Variants in TRPC1 observed in about 807,000 individuals in gnomAD.
The protein encoded by TRPC1 is short transient receptor potential channel 1.
TRPC1 carries 42 observed loss-of-function variants against 88.2 expected under a neutral mutation model. The ratio of observed to expected loss-of-function variants is 0.48; its 90% CI spans 0.37 to 0.62. The LOEUF (loss-of-function observed/expected upper bound fraction) is 0.62. Ranked by LOEUF, TRPC1 falls within the 20% of genes least tolerant of loss-of-function variation. The pLI, the probability that TRPC1 is intolerant of heterozygous loss-of-function variation, is 0.00. For synonymous variants in TRPC1, 288 were observed against 331.8 expected (o/e 0.87, Z 1.43); for missense variants, 699 against 957.3 (o/e 0.73, Z 3.56).
rs536636378 is a variant in TRPC1 at position 142,790,641 on chromosome 3, C to T, written c.1298-378C>T. Among the ~76,000 whole-genome samples the T allele has an allele frequency of 3.3e-5, 5 of 152,036 alleles. No homozygotes were observed. In the East Asian group the frequency reaches 5.8e-4, roughly 18 times the overall value. Reference sequence around the variant, plus strand: ...TGAGCCCCTTGTGCGGGGGTGTGTACGTGTGTGCGTGCACATCCATGTGTG... The same window carrying T: ...TGAGCCCCTTGTGCGGGGGTGTGTATGTGTGTGCGTGCACATCCATGTGTG... On this transcript the variant is annotated intron_variant, in intron 7 of 12. Transcript: ENST00000476941.
intron 4 of TRPC1, among the ~76,000 whole-genome samples, chr3:142,758,440 A>T (rs1201581220): frequency 6.6e-6 from 1 of 152,220 alleles, no homozygotes; most frequent in Non-Finnish European, 1.5e-5. Context: ...TTTTCTTTTA[A>T]GAAATATCCA....
At chr3:142,760,641 A>G (rs1357992646) in intron 4 of TRPC1, among the ~76,000 whole-genome samples, 1 of 152,096 alleles carries the variant, frequency 6.6e-6, no homozygotes, top group African/African-American at 2.4e-5. Flanking sequence ...TTTGATAAGG[A>G]TTGCATGGAA....
chr3:142,733,075 G>A (rs1933992015), intron 1 of TRPC1, among the ~76,000 whole-genome samples: 1 of 151,800 alleles, frequency 6.6e-6, no homozygotes, highest in Admixed American at 6.6e-5. Flanking sequence ...TGACTATAAT[G>A]TGATTTTTCA....
intron 2 of TRPC1, among the ~76,000 whole-genome samples, chr3:142,740,867 T>C (rs1230201986): frequency 1.3e-5 from 2 of 151,788 alleles, no homozygotes; most frequent in Non-Finnish European, 2.9e-5. Flanking sequence ...TAGCAAAGAG[T>C]GATGAAGGAT....
chr3:142,731,092 A>C (rs747015693), intron 1 of TRPC1, among the ~76,000 whole-genome samples: 3 of 152,134 alleles, frequency 2.0e-5, no homozygotes, highest in Non-Finnish European at 4.4e-5. Context: ...CTAAGGATCT[A>C]TGGGATCACT....
At chr3:142,737,026 A>G (rs948829072) in intron 2 of TRPC1, among the ~76,000 whole-genome samples, 1 of 152,048 alleles carries the variant, frequency 6.6e-6, no homozygotes, top group Non-Finnish European at 1.5e-5. Context: ...GTTTGTTTTT[A>G]TCTAAAGATG....
chr3:142,750,120 T>A (rs891184858), intron 4 of TRPC1, among the ~76,000 whole-genome samples: 3 of 150,672 alleles, frequency 2.0e-5, no homozygotes, highest in African/African-American at 4.8e-5. Context: ...GAAACTATCA[T>A]CAGAGTGAAC....
chr3:142,761,700 C>T lies in TRPC1; in HGVS notation c.632+13240C>T, dbSNP rs1018058452. Among the ~76,000 whole-genome samples, 4 of 148,794 alleles carry T rather than the reference C, an allele frequency of 2.7e-5. No homozygotes were observed. The South Asian group carries it at 6.3e-4, about 23-fold the overall frequency. The stretch of plus-strand genomic sequence containing the variant: ...GTATACAGCAGTGAATCCATCAGGT[C>T]TTGGGCACTTCTTTGATGGGAAACT... On this transcript the variant is annotated intron_variant, in intron 4 of 12. Coordinates refer to ENST00000476941, the MANE Select transcript of TRPC1 (RefSeq NM_001251845.2).
At position 142,776,643 on chromosome 3, in the gene TRPC1, G is replaced by A. The variant is rs538097834; in HGVS notation, c.633-989G>A. 7.4e-4 allele frequency among the ~76,000 whole-genome samples: 112 copies of A among 152,116 alleles called. 1 individual carries two copies. The Middle Eastern group carries it at 0.027, about 37-fold the overall frequency. ...TTATGGTCTGGGCGCGGTGGCTCAC[G>A]CCTGTAATCCCAGCACTTTGGGAGG... On this transcript the variant is annotated intron_variant, in intron 4 of 12. Transcript: ENST00000476941. This position sits in a 1 kb window ranked among gnomAD's most constrained non-coding sequence, Gnocchi z 4.1.
chr3:142,796,675 C>CA (rs200858430), intron 9 of TRPC1, among the ~76,000 whole-genome samples: 1 of 125,286 alleles, frequency 8.0e-6, no homozygotes, highest in Non-Finnish European at 1.5e-5. Context: ...TAGACTTACT[C>CA]AAAAAAGGTT....
At chr3:142,764,504 T>C (rs1010019719) in intron 4 of TRPC1, among the ~76,000 whole-genome samples, 3 of 152,176 alleles carry the variant, frequency 2.0e-5, no homozygotes, top group Non-Finnish European at 2.9e-5. Context: ...TCTCTACTTC[T>C]TATTTAAATA....
intron 7 of TRPC1, among the ~76,000 whole-genome samples, chr3:142,789,538 TG>T (rs923455253): frequency 3.3e-5 from 5 of 152,202 alleles, no homozygotes; most frequent in African/African-American, 1.2e-4. Context: ...GAATGTTTCT[TG>T]TGTTTCCCAG....
intron 3 of TRPC1, among the ~76,000 whole-genome samples, chr3:142,744,301 C>T (rs562028240): frequency 5.9e-5 from 9 of 152,128 alleles, no homozygotes; most frequent in African/African-American, 2.2e-4. Context: ...CAGTCTCATG[C>T]TACTAGTGAG....
intron 4 of TRPC1, 87 bp downstream of exon 4, chr3:142,748,547 T>G (rs1202380312): frequency 3.9e-5 from 55 of 1,424,956 alleles, no homozygotes; most frequent in Non-Finnish European, 4.7e-5. Flanking sequence ...CTATGCAGCT[T>G]TTAAGAAATG....
chr3:142,726,526 T>G (rs1933675539), intron 1 of TRPC1, among the ~76,000 whole-genome samples: 1 of 152,164 alleles, frequency 6.6e-6, no homozygotes, highest in Admixed American at 6.5e-5. Flanking sequence ...TCCCCATATA[T>G]AAATTAGAAA....
At chr3:142,735,718 G>GT (rs1934107880) in intron 1 of TRPC1, among the ~76,000 whole-genome samples, 1 of 152,062 alleles carries the variant, frequency 6.6e-6, no homozygotes, top group South Asian at 2.1e-4. Flanking sequence ...TGCCTTAAGA[G>GT]TTTTGTGAAC....
intron 9 of TRPC1, chr3:142,801,314 T>C (rs1395760313): frequency 2.0e-5 from 3 of 149,372 alleles, no homozygotes; most frequent in African/African-American, 7.5e-5. Flanking sequence ...TATTGAGGAT[T>C]TTCTAAAATT....
chr3:142,774,712 T>G (rs1295095190), intron 4 of TRPC1, among the ~76,000 whole-genome samples: 1 of 151,570 alleles, frequency 6.6e-6, no homozygotes, highest in Admixed American at 6.6e-5. Context: ...TTCAGTTTTA[T>G]GTATTTTTTT....
chr3:142,767,882 A>AT lies in TRPC1; in HGVS notation c.633-9743dup, dbSNP rs534455714. Among the ~76,000 whole-genome samples, 4 of 150,150 alleles carry AT rather than the reference A, an allele frequency of 2.7e-5. No homozygotes were observed. Among genetic ancestry groups the AT allele is most frequent in the Non-Finnish European group, 3.0e-5 (2 of 67,632 alleles). On this transcript the variant is annotated intron_variant, in intron 4 of 12. Transcript: ENST00000476941. The surrounding 1 kb of genome is among the most constrained non-coding windows in gnomAD (Gnocchi z 5.1). ...TTCTTAGTTTTTAATTGGTTATCTG[A>AT]TTTTTTTATTGATGAATTGTGTGTG...
Sources: gnomAD v4.1 joint callset for allele counts (sites outside exome capture counted in the v4.1 genomes callset) on GRCh38, gnomAD v4.1.1 for gene constraint, Gnocchi (gnomAD v3.1) non-coding constraint, MANE v1.5 for transcripts, NCBI Gene and HGNC (gene_info 2026-07-23, HGNC 2026-07-21) for gene names.